Variants in LRMDA observed in about 807,000 individuals in gnomAD.
The protein encoded by LRMDA is leucine-rich melanocyte differentiation-associated protein.
LRMDA carries 18 observed loss-of-function variants against 29.8 expected under a neutral mutation model. The observed-to-expected ratio is 0.60, with a 90% CI of 0.42 to 0.90. The LOEUF is 0.90. LRMDA is among the 40% of genes least tolerant of loss of function. The probability of loss-of-function intolerance (pLI) is 0.00; values close to 1 mark genes in which losing one functional copy is unlikely to be tolerated. For missense variants in LRMDA, 273 were observed against 273.9 expected, an observed-to-expected ratio of 1.00 and a Z score of 0.02; for synonymous variants, 125 against 109.4, an observed-to-expected ratio of 1.14 and a Z score of -0.89.
chr10:75,544,891 T>C (rs532610534), intron 2 of LRMDA, among the ~76,000 whole-genome samples: 197 of 152,346 alleles, frequency 1.3e-3, no homozygotes, highest in African/African-American at 4.5e-3. Flanking sequence ...AGTCAGATGT[T>C]TTAAAGTAGG....
chr10:76,429,288 A>T (rs1842165401), intron 6 of LRMDA, among the ~76,000 whole-genome samples: 1 of 152,142 alleles, frequency 6.6e-6, no homozygotes, highest in African/African-American at 2.4e-5. Context: ...GCTTTCTATC[A>T]TGTACCATTA....
chr10:76,444,105 A>G (rs565020809), intron 6 of LRMDA, among the ~76,000 whole-genome samples: 1 of 152,292 alleles, frequency 6.6e-6, no homozygotes, highest in African/African-American at 2.4e-5. Flanking sequence ...TTGTTCAGCT[A>G]TTCCCTGGGT....
rs57422251 is a variant in LRMDA, at chr10:75,764,928, C to CGTGTGTGTGT, written c.132-271049_132-271040dup. Among the ~76,000 whole-genome samples the CGTGTGTGTGT allele has an allele frequency of 2.5e-3, 359 of 142,844 alleles. 7 individuals are homozygous for CGTGTGTGTGT. Among genetic ancestry groups the CGTGTGTGTGT allele is most frequent in the African/African-American group, 6.6e-3 (254 of 38,456 alleles). 93.7% of individuals were successfully genotyped at this position (142,844 alleles called of 152,430 possible). On this transcript the variant is annotated intron_variant, in intron 2 of 6. Coordinates refer to ENST00000611255, the MANE Select transcript of LRMDA (RefSeq NM_001305581.2). ...CTCTTTGCCCTCCCTGCAAGAGACA[C>CGTGTGTGTGT]GTGTGTGTGTGTGTGTGTGTGTGTG... is the stretch of plus-strand genomic sequence containing the variant.
intron 5 of LRMDA, among the ~76,000 whole-genome samples, chr10:76,187,439 AG>A (rs1851169475): frequency 6.6e-6 from 1 of 152,194 alleles, no homozygotes; most frequent in Non-Finnish European, 1.5e-5. Flanking sequence ...TTACTGCAAC[AG>A]AGGGGAAAAA....
At chr10:75,905,156 T>C in intron 2 of LRMDA, among the ~76,000 whole-genome samples, 1 of 152,012 alleles carries the variant, frequency 6.6e-6, no homozygotes, top group Non-Finnish European at 1.5e-5. Flanking sequence ...TGTGTGAAAA[T>C]ATTTGTCCCT....
At chr10:75,476,317 C>T (rs1051851089) in intron 2 of LRMDA, among the ~76,000 whole-genome samples, 2 of 152,156 alleles carry the variant, frequency 1.3e-5, no homozygotes, top group African/African-American at 2.4e-5. Context: ...AGTGTAGTAA[C>T]ATCAGTTCTC....
intron 2 of LRMDA, among the ~76,000 whole-genome samples, chr10:75,717,232 T>C (rs562349213): frequency 3.6e-4 from 55 of 152,328 alleles, no homozygotes; most frequent in Admixed American, 2.1e-3. Context: ...CAGGGGCACG[T>C]TGAGAAGATG....
Position 76,544,710 on chromosome 10 carries a change from G to GCACA in LRMDA, c.602-12458_602-12455dup, listed in dbSNP as rs71028204. Among the ~76,000 whole-genome samples, 148 of 145,410 alleles carry GCACA rather than the reference G, an allele frequency of 1.0e-3. 1 individual carries two copies. The highest frequency in any genetic ancestry group is 6.6e-3 in the East Asian group (32 of 4,854). On this transcript the variant is annotated intron_variant, in intron 6 of 6. Transcript: ENST00000611255. Reference sequence around the variant, plus strand: ...CACATATACATTTACATATATACATGCACACACACACACACACACACACAC... The same window carrying GCACA: ...CACATATACATTTACATATATACATGCACACACACACACACACACACACACACAC...
In LRMDA at chr10:76,167,940, T is replaced by A. The variant is rs1049204826; in HGVS notation, c.516+109157T>A. Reference sequence around the variant, plus strand: ...CATTTCTGATTTTTTTGAGCAGTGTTTTGTAGTTATCCTTTTAGAGGTCTT... The same window carrying A: ...CATTTCTGATTTTTTTGAGCAGTGTATTGTAGTTATCCTTTTAGAGGTCTT... On this transcript the variant is annotated intron_variant, in intron 5 of 6. Transcript: ENST00000611255. Among the ~76,000 whole-genome samples the A allele has an allele frequency of 2.0e-5, 3 of 152,190 alleles. No homozygotes were observed. In the East Asian group the frequency reaches 5.8e-4, roughly 29 times the overall value.
At chr10:76,355,295 C>G (rs1589148829) in intron 6 of LRMDA, among the ~76,000 whole-genome samples, 1 of 152,224 alleles carries the variant, frequency 6.6e-6, no homozygotes, top group East Asian at 1.9e-4. Flanking sequence ...CAGAGAAGCT[C>G]TTATGGATGA....
At chr10:76,232,744 G>A (rs1852081563) in intron 5 of LRMDA, among the ~76,000 whole-genome samples, 1 of 152,184 alleles carries the variant, frequency 6.6e-6, no homozygotes, top group African/African-American at 2.4e-5. Context: ...GGAAGAGTGA[G>A]CCAGATGGGG....
intron 2 of LRMDA, among the ~76,000 whole-genome samples, chr10:75,781,191 A>G (rs1196454536): frequency 1.3e-5 from 2 of 152,194 alleles, no homozygotes; most frequent in African/African-American, 4.8e-5. Flanking sequence ...ATGGTGCAGC[A>G]ATATTGAAAT....
intron 5 of LRMDA, among the ~76,000 whole-genome samples, chr10:76,136,986 C>A (rs921148149): frequency 6.6e-5 from 10 of 152,214 alleles, no homozygotes; most frequent in Non-Finnish European, 1.5e-4. Flanking sequence ...GCCTGCCTAG[C>A]CCTCCTGTAC....
chr10:75,800,511 C>G (rs1843729915), intron 2 of LRMDA, among the ~76,000 whole-genome samples: 1 of 151,600 alleles, frequency 6.6e-6, no homozygotes. Flanking sequence ...AATCTCGGCT[C>G]ACTCAAACCT....
intron 2 of LRMDA, among the ~76,000 whole-genome samples, chr10:75,866,006 C>A (rs927508434): frequency 1.3e-5 from 2 of 152,156 alleles, no homozygotes; most frequent in Admixed American, 1.3e-4. Context: ...AGTAGTTAAT[C>A]TTTTAACAGA....
Position 76,168,082 on chromosome 10 carries a change from GT to G in LRMDA, c.516+109304del, listed in dbSNP as rs536377866. ...CTACTTGGGACCAATTTTAGGAATA[GT>G]TTTTGTCCTCAGGAATAATCCACCT... On this transcript the variant is annotated intron_variant, in intron 5 of 6. Coordinates refer to ENST00000611255, the MANE Select transcript of LRMDA (RefSeq NM_001305581.2). 1.2e-3 allele frequency among the ~76,000 whole-genome samples: 176 copies of G among 152,238 alleles called. 1 individual carries two copies. Among genetic ancestry groups the G allele is most frequent in the African/African-American group, 3.8e-3 (156 of 41,556 alleles).
intron 2 of LRMDA, among the ~76,000 whole-genome samples, chr10:75,563,307 TC>T (rs1363936153): frequency 1.3e-5 from 2 of 152,154 alleles, no homozygotes; most frequent in Non-Finnish European, 2.9e-5. Context: ...TACCCTTTCT[TC>T]CATTTGATTG....
At chr10:76,418,274 C>A (rs1256237703) in intron 6 of LRMDA, among the ~76,000 whole-genome samples, 1 of 151,764 alleles carries the variant, frequency 6.6e-6, no homozygotes, top group Non-Finnish European at 1.5e-5. Context: ...TGGGAATGTT[C>A]TTCCACTTAT....
intron 2 of LRMDA, among the ~76,000 whole-genome samples, chr10:75,685,520 C>T (rs1227441509): frequency 1.3e-5 from 2 of 152,172 alleles, no homozygotes; most frequent in African/African-American, 4.8e-5. Context: ...CACCTATCTG[C>T]CTATTCATAT....
Sources: allele counts gnomAD v4.1 joint callset (sites outside exome capture counted in the v4.1 genomes callset), GRCh38; gene constraint gnomAD v4.1.1; transcripts MANE v1.5; gene names NCBI Gene and HGNC (gene_info 2026-07-23, HGNC 2026-07-21).